The following NFX1 variants were observed in gnomAD, a reference collection of about 807,000 sequenced individuals.
NFX1 encodes the protein nuclear transcription factor, X-box binding 1.
In NFX1, 69 loss-of-function variants were observed where a neutral mutation model predicts 137.2. That is an observed-to-expected ratio of 0.50 (90% CI 0.41 to 0.61). NFX1 has a LOEUF of 0.61. Among genes scored for constraint, NFX1 ranks in the 20% least tolerant of loss-of-function variants. The probability of loss-of-function intolerance (pLI) is 0.00; values close to 1 mark genes in which losing one functional copy is unlikely to be tolerated. For synonymous variants in NFX1, 495 were observed against 474.1 expected, an observed-to-expected ratio of 1.04 and a Z score of -0.57; for missense variants, 1,167 against 1,391.0, an observed-to-expected ratio of 0.84 and a Z score of 2.56.
chr9:33,307,740 G>T (rs895423861), intron 5 of NFX1, among the ~76,000 whole-genome samples: 1 of 151,756 alleles, frequency 6.6e-6, no homozygotes, highest in Non-Finnish European at 1.5e-5. Context: ...TTAGGGTCCC[G>T]GTCGGACAGT....
intron 9 of NFX1, 63 bp downstream of exon 9, chr9:33,319,190 G>A (rs1822291669): frequency 7.1e-7 from 1 of 1,409,946 alleles, no homozygotes; most frequent in South Asian, 1.2e-5. Context: ...AGCAGTGAGT[G>A]TTTAAGCAAT....
rs1824006332 is a variant in NFX1 at position 33,361,943 on chromosome 9, C to CA, written c.2874-2063dup. Among the ~76,000 whole-genome samples, 3 of 151,940 alleles carry CA rather than the reference C, an allele frequency of 2.0e-5. No individual in the cohort carries two copies. The South Asian group carries it at 6.2e-4, about 32-fold the overall frequency. On this transcript the variant is annotated intron_variant, in intron 19 of 23. Transcript: ENST00000379540. ...TTCAAGACCAGCCTGGGCGACATAG[C>CA]AAAACCCTGTCTCTACAAAAAATAC... is the stretch of plus-strand genomic sequence containing the variant.
intron 2 of NFX1, among the ~76,000 whole-genome samples, chr9:33,298,683 T>G (rs527823905): frequency 4.5e-4 from 68 of 152,020 alleles, no homozygotes; most frequent in Non-Finnish European, 7.9e-4. Context: ...ACTCAAGAGG[T>G]TGAACTAGGA....
At chr9:33,317,817 A>G (rs1241242001) in intron 7 of NFX1, among the ~76,000 whole-genome samples, 1 of 151,772 alleles carries the variant, frequency 6.6e-6, no homozygotes, top group Admixed American at 6.6e-5. Context: ...CTCTCCTAAA[A>G]ATACAGAAAT....
intron 23 of NFX1, 95 bp downstream of exon 23, chr9:33,367,714 TCCTC>T: frequency 8.5e-7 from 1 of 1,176,654 alleles, no homozygotes; most frequent in Non-Finnish European, 1.3e-6. Context: ...ATTGGTGGCC[TCCTC>T]AGGCCTGGCC....
chr9:33,322,633 T>C (rs758363726), intron 9 of NFX1, among the ~76,000 whole-genome samples: 3 of 152,094 alleles, frequency 2.0e-5, no homozygotes, highest in Non-Finnish European at 4.4e-5. Flanking sequence ...AGCTCACTCG[T>C]AGGGCAGAGG....
intron 15 of NFX1, chr9:33,348,298 G>C (rs1369872876): frequency 6.6e-6 from 1 of 151,984 alleles, no homozygotes; most frequent in African/African-American, 2.4e-5. Context: ...GTTGCAGTGA[G>C]CCAATATCGC....
At chr9:33,311,016 GC>G in intron 5 of NFX1, 89 bp from the exon 6 acceptor site, 1 of 1,075,716 alleles carries the variant, frequency 9.3e-7, no homozygotes, top group Middle Eastern at 2.0e-4. Flanking sequence ...TGTATTTGTT[GC>G]CATATTCACA....
chr9:33,314,283 CCTAT>C (rs1187964680), intron 7 of NFX1, among the ~76,000 whole-genome samples: 2 of 151,900 alleles, frequency 1.3e-5, no homozygotes, highest in Non-Finnish European at 1.5e-5. Context: ...CAGTGCCTGG[CCTAT>C]CTAATTTAAA....
intron 1 of NFX1, 72 bp downstream of exon 1, chr9:33,290,669 G>A: frequency 2.0e-6 from 3 of 1,477,534 alleles, no homozygotes; most frequent in Non-Finnish European, 2.8e-6. Flanking sequence ...GAAGTTCTAG[G>A]GCCTCAGCCA....
intron 20 of NFX1, 52 bp from the exon 21 acceptor site, chr9:33,364,656 G>T: frequency 6.3e-7 from 1 of 1,582,538 alleles, no homozygotes; most frequent in South Asian, 1.2e-5. Context: ...GGTGAAAGGG[G>T]TTCTCAGAAG....
chr9:33,366,246 T>G (rs548736120), intron 21 of NFX1, among the ~76,000 whole-genome samples: 1 of 152,220 alleles, frequency 6.6e-6, no homozygotes. Flanking sequence ...ATTTTTAAAG[T>G]AGAACATACT....
rs1198230561 is a variant in NFX1 at position 33,367,616 on chromosome 9, A to G, written c.3287A>G (p.Asp1096Gly). ...PPIPHHRHQSDKNPGSSNLQK... is the reference protein window; with the variant it reads ...PPIPHHRHQSGKNPGSSNLQK... The stretch of plus-strand genomic sequence containing the variant: ...ATTCCTCATCACAGACATCAGTCAG[A>G]CAAGTAAGATTCTCCAGCTGCTTTC... The change falls in exon 23 of 24, where the codon GAC becomes GGC. Residue 1096 changes from aspartate (D) to glycine (G), a missense_variant. Asp to Gly is a moderately conservative substitution (Grantham distance 94). Around this residue, in one of 3 missense-constraint regions of NFX1, gnomAD observed 312 missense variants for 312.8 expected, o/e 1.00. Coordinates refer to ENST00000379540, the MANE Select transcript of NFX1 (RefSeq NM_002504.6). 1 of 1,613,580 alleles carries G rather than the reference A, an allele frequency of 6.2e-7. No homozygotes were observed. The highest frequency in any genetic ancestry group is 1.7e-5 in the Admixed American group (1 of 59,996).
At position 33,294,015 on chromosome 9, in the gene NFX1, C is replaced by T. The variant is rs1587811885; in HGVS notation, c.26-405C>T. ...GACTTTAACCCATTTTGGCTTAGTC[C>T]AAAGCCTGTTTACTTGATATTACAC... On this transcript the variant is annotated intron_variant, in intron 1 of 23. Coordinates refer to ENST00000379540, the MANE Select transcript of NFX1 (RefSeq NM_002504.6). Among the ~76,000 whole-genome samples, 3 of 152,280 alleles carry T rather than the reference C, an allele frequency of 2.0e-5. 1 individual carries two copies. The Middle Eastern group carries it at 0.01, about 518-fold the overall frequency.
At position 33,342,788 on chromosome 9, in the gene NFX1, C is replaced by G; in HGVS notation, c.2158C>G (p.Arg720Gly). 6.2e-7 allele frequency: 1 copy of G among 1,613,726 alleles called. No homozygotes were observed. Among genetic ancestry groups the G allele is most frequent in the Non-Finnish European group, 8.5e-7 (1 of 1,179,858 alleles). Residue 720 changes from arginine to glycine, a missense_variant, in exon 13 of 24, where the codon CGT becomes GGT. Arg to Gly is a moderately radical substitution (Grantham distance 125). Around this residue, in one of 3 missense-constraint regions of NFX1, gnomAD observed 488 missense variants for 691.5 expected, o/e 0.71. Coordinates refer to ENST00000379540, the MANE Select transcript of NFX1 (RefSeq NM_002504.6). Reference sequence around the variant, plus strand: ...TCCTTTGATTTGTGGGAGGAAACTCCGTTGTGGCCTTCATAGGTGTGAAGA... The same window carrying G: ...TCCTTTGATTTGTGGGAGGAAACTCGGTTGTGGCCTTCATAGGTGTGAAGA... ...KCPLICGRKL[R>G]CGLHRCEEPC... is the part of the protein sequence containing the mutation.
intron 5 of NFX1, among the ~76,000 whole-genome samples, chr9:33,308,950 TCTG>T (rs1257553202): frequency 1.3e-5 from 2 of 152,194 alleles, no homozygotes; most frequent in African/African-American, 2.4e-5. Context: ...TGGCCTGTGA[TCTG>T]CTGGGCAGTC....
At chr9:33,328,100 TC>T (rs1355049347) in intron 9 of NFX1, among the ~76,000 whole-genome samples, 2 of 152,014 alleles carry the variant, frequency 1.3e-5, no homozygotes. Context: ...AGCCTCAACG[TC>T]CCATGCTCAG....
chr9:33,303,747 T>G (rs1821657127), intron 4 of NFX1, among the ~76,000 whole-genome samples: 1 of 152,248 alleles, frequency 6.6e-6, no homozygotes, highest in Admixed American at 6.5e-5. Flanking sequence ...TTTCTGTTTT[T>G]GAATATCTCA....
intron 19 of NFX1, among the ~76,000 whole-genome samples, chr9:33,355,972 A>G (rs774187610): frequency 1.6e-4 from 25 of 152,090 alleles, no homozygotes; most frequent in Non-Finnish European, 3.2e-4. Context: ...TGCTTGCTCT[A>G]TATTTCTGTA....
Sources: gnomAD v4.1 joint callset for allele counts (sites outside exome capture counted in the v4.1 genomes callset) on GRCh38, gnomAD v4.1.1 for gene constraint, gnomAD v4.1.1 regional missense constraint, MANE v1.5 for transcripts, NCBI Gene and HGNC (gene_info 2026-07-23, HGNC 2026-07-21) for gene names.